GABRG2: variants seen among roughly 807,000 people sequenced by gnomAD.
GABRG2 encodes gamma-aminobutyric acid receptor subunit gamma-2.
Under a neutral mutation model 56.4 loss-of-function variants are expected in GABRG2, and 16 were observed. The observed-to-expected ratio is 0.28, with a 90% CI of 0.19 to 0.43. The LOEUF (loss-of-function observed/expected upper bound fraction) is 0.43. Among genes scored for constraint, GABRG2 ranks in the 20% least tolerant of loss-of-function variants. GABRG2 has a pLI of 1.00. For missense variants in GABRG2, 327 were observed against 582.7 expected (o/e 0.56, Z 4.52); for synonymous variants, 208 against 205.5 (o/e 1.01, Z -0.10).
chr5:162,075,418 C>G (rs1759016847), intron 1 of GABRG2, among the ~76,000 whole-genome samples: 1 of 152,130 alleles, frequency 6.6e-6, no homozygotes, highest in Non-Finnish European at 1.5e-5. Flanking sequence ...CCTAAGTCCT[C>G]TAATCCTCTC....
intron 6 of GABRG2, among the ~76,000 whole-genome samples, chr5:162,107,260 A>G (rs1315160769): frequency 1.3e-5 from 2 of 152,190 alleles, no homozygotes; most frequent in East Asian, 1.9e-4. Context: ...GAAAGTTAAT[A>G]TAAGGACCAT....
At chr5:162,094,488 T>C (rs1760851236) in intron 2 of GABRG2, 1 of 163,224 alleles carries the variant, frequency 6.1e-6, no homozygotes, top group Admixed American at 5.9e-5. Flanking sequence ...CGTTCTACTC[T>C]TGGGACCAGC....
intron 6 of GABRG2, among the ~76,000 whole-genome samples, chr5:162,139,809 G>T (rs1226845659): frequency 6.6e-6 from 1 of 152,146 alleles, no homozygotes; most frequent in African/African-American, 2.4e-5. Flanking sequence ...CTCAAGGACT[G>T]GGAAAATAGG....
chr5:162,072,480 A>G (rs1330957280), intron 1 of GABRG2, among the ~76,000 whole-genome samples: 2 of 152,090 alleles, frequency 1.3e-5, no homozygotes, highest in Non-Finnish European at 2.9e-5. Flanking sequence ...CACAATTCAA[A>G]TGCTTAAAGA....
intron 1 of GABRG2, 42 bp from the exon 2 acceptor site, chr5:162,093,786 T>C: frequency 1.9e-6 from 3 of 1,583,806 alleles, no homozygotes; most frequent in Non-Finnish European, 2.6e-6. Context: ...AGTCAACTTG[T>C]GTGTAATCTA....
Position 162,100,663 on chromosome 5 carries a change from C to T in GABRG2, c.549-572C>T, listed in dbSNP as rs112175414. On this transcript the variant is annotated intron_variant, in intron 4 of 9. Transcript: ENST00000639213. ...TTGTTTTCCATTAGATATTCTTCTA[C>T]TCTATAATATCCTATTTAATGACAT... 3.7e-4 allele frequency among the ~76,000 whole-genome samples: 57 copies of T among 152,238 alleles called. 1 individual carries two copies. The highest frequency in any genetic ancestry group is 1.3e-3 in the African/African-American group (55 of 41,560).
intron 6 of GABRG2, among the ~76,000 whole-genome samples, chr5:162,123,619 T>A (rs1298524626): frequency 6.6e-6 from 1 of 151,924 alleles, no homozygotes; most frequent in African/African-American, 2.4e-5. Context: ...TTTTAAAGAC[T>A]GACAGTAGCT....
At chr5:162,123,072 A>G (rs1231526724) in intron 6 of GABRG2, among the ~76,000 whole-genome samples, 1 of 151,786 alleles carries the variant, frequency 6.6e-6, no homozygotes, top group African/African-American at 2.4e-5. Flanking sequence ...TATATTCAAC[A>G]TGAAAATCAT....
chr5:162,112,469 C>G (rs1319080518), intron 6 of GABRG2, among the ~76,000 whole-genome samples: 1 of 151,918 alleles, frequency 6.6e-6, no homozygotes, highest in Non-Finnish European at 1.5e-5. Context: ...AGAGATGATA[C>G]TCTACACATA....
chr5:162,104,521 G>A (rs992574843), intron 6 of GABRG2, among the ~76,000 whole-genome samples: 2 of 151,984 alleles, frequency 1.3e-5, no homozygotes, highest in South Asian at 2.1e-4. Flanking sequence ...AATTCCAATT[G>A]CATCAGTTAT....
At chr5:162,142,449 C>G in intron 7 of GABRG2, 133 bp downstream of exon 7, 1 of 959,230 alleles carries the variant, frequency 1.0e-6, no homozygotes, top group South Asian at 1.4e-5. Context: ...GTTTCATATT[C>G]AAGAGAACTG....
intron 1 of GABRG2, among the ~76,000 whole-genome samples, chr5:162,075,505 T>A (rs1204843029): frequency 6.6e-6 from 1 of 152,138 alleles, no homozygotes; most frequent in Non-Finnish European, 1.5e-5. Flanking sequence ...ATTGGTTTAT[T>A]CTTTTTACTT....
intron 6 of GABRG2, among the ~76,000 whole-genome samples, chr5:162,133,346 G>T (rs1763891911): frequency 6.6e-6 from 1 of 152,078 alleles, no homozygotes; most frequent in Non-Finnish European, 1.5e-5. Flanking sequence ...TCCTACTTTA[G>T]TGGGAGAATT....
At chr5:162,105,479 G>T (rs1761742932) in intron 6 of GABRG2, among the ~76,000 whole-genome samples, 1 of 121,896 alleles carries the variant, frequency 8.2e-6, no homozygotes. Context: ...TCCCAGGCTG[G>T]AGTGCAGTGG....
intron 1 of GABRG2, among the ~76,000 whole-genome samples, chr5:162,079,719 C>A (rs1358745941): frequency 6.6e-6 from 1 of 151,956 alleles, no homozygotes; most frequent in African/African-American, 2.4e-5. Flanking sequence ...CTTATTGATT[C>A]TGATACAAGG....
At chr5:162,073,995 T>G (rs1467876733) in intron 1 of GABRG2, among the ~76,000 whole-genome samples, 1 of 151,944 alleles carries the variant, frequency 6.6e-6, no homozygotes, top group East Asian at 1.9e-4. Flanking sequence ...CCCCCGGCTT[T>G]TTTTATCTAA....
intron 7 of GABRG2, among the ~76,000 whole-genome samples, chr5:162,148,347 C>T (rs576598338): frequency 5.3e-5 from 8 of 152,144 alleles, no homozygotes; most frequent in Non-Finnish European, 7.4e-5. Flanking sequence ...GTATATGAAG[C>T]GCTTATCACT....
At chr5:162,101,632 G>A (rs915090517) in intron 5 of GABRG2, 1 of 343,234 alleles carries the variant, frequency 2.9e-6, no homozygotes, top group African/African-American at 2.2e-5. Context: ...CAATAGAAAA[G>A]GTGCAATCTT....
At chr5:162,068,230 A>C in intron 1 of GABRG2, 124 bp downstream of exon 1, 1 of 725,544 alleles carries the variant, frequency 1.4e-6, no homozygotes, top group Non-Finnish European at 2.5e-6. Flanking sequence ...TTTACAATTT[A>C]GGAGAGAGCG....
Sources: gnomAD v4.1 joint callset for allele counts (sites outside exome capture counted in the v4.1 genomes callset) on GRCh38, gnomAD v4.1.1 for gene constraint, MANE v1.5 for transcripts, NCBI Gene and HGNC (gene_info 2026-07-23, HGNC 2026-07-21) for gene names.